SYT9: variants seen among roughly 807,000 people sequenced by gnomAD.
SYT9 encodes the protein synaptotagmin 9.
SYT9 carries 22 observed loss-of-function variants against 48.4 expected under a neutral mutation model. The observed-to-expected ratio is 0.45, with a 90% CI of 0.32 to 0.65. The LOEUF (loss-of-function observed/expected upper bound fraction) is 0.65. Ranked by LOEUF, SYT9 falls within the 30% of genes least tolerant of loss-of-function variation. SYT9 has a pLI of 0.03. For missense variants in SYT9, 577 were observed against 622.0 expected (o/e 0.93, Z 0.77); for synonymous variants, 265 against 245.0 (o/e 1.08, Z -0.76).
At position 7,351,891 on chromosome 11, in the gene SYT9, A is replaced by G. The variant is rs751700983; in HGVS notation, c.1044+37950A>G. 2.6e-5 allele frequency among the ~76,000 whole-genome samples: 4 copies of G among 152,270 alleles called. No homozygotes were observed. In the East Asian group the frequency reaches 7.7e-4, roughly 29 times the overall value. ...ACCACTCTATTTCAGAGTCTGTTGT[A>G]TGGGTGAGCTGGTGGTGATTGGCTT... On this transcript the variant is annotated intron_variant, in intron 3 of 6. Coordinates refer to ENST00000318881, the MANE Select transcript of SYT9 (RefSeq NM_175733.4).
intron 6 of SYT9, among the ~76,000 whole-genome samples, chr11:7,453,317 AG>A (rs1848092967): frequency 6.6e-6 from 1 of 152,100 alleles, no homozygotes; most frequent in Non-Finnish European, 1.5e-5. Flanking sequence ...GATACTCCAA[AG>A]TGTTTCTGTA....
intron 1 of SYT9, among the ~76,000 whole-genome samples, chr11:7,268,137 G>A (rs1054884060): frequency 4.6e-5 from 7 of 151,838 alleles, no homozygotes; most frequent in Non-Finnish European, 8.8e-5. Context: ...CTTATTTGTC[G>A]GAACCACAAA....
intron 3 of SYT9, among the ~76,000 whole-genome samples, chr11:7,399,931 C>T (rs531394018): frequency 7.9e-5 from 12 of 152,156 alleles, no homozygotes; most frequent in African/African-American, 2.2e-4. Context: ...CTTTTGCCCA[C>T]GGCAGGGAAG....
At chr11:7,335,387 T>G (rs1387207617) in intron 3 of SYT9, among the ~76,000 whole-genome samples, 1 of 152,070 alleles carries the variant, frequency 6.6e-6, no homozygotes, top group Admixed American at 6.5e-5. Context: ...GTCATAGGAG[T>G]TCGTTGTACA....
At chr11:7,312,066 G>A (rs1374098955) in intron 2 of SYT9, among the ~76,000 whole-genome samples, 1 of 152,160 alleles carries the variant, frequency 6.6e-6, no homozygotes, top group East Asian at 1.9e-4. Context: ...ATGTGACTGG[G>A]CTATGTCTGC....
chr11:7,293,917 T>G (rs1034046126), intron 1 of SYT9, among the ~76,000 whole-genome samples: 1 of 152,134 alleles, frequency 6.6e-6, no homozygotes, highest in African/African-American at 2.4e-5. Context: ...ATAAGAGAAG[T>G]AGTAATAAGT....
chr11:7,345,351 C>T (rs1849782184), intron 3 of SYT9, among the ~76,000 whole-genome samples: 1 of 152,206 alleles, frequency 6.6e-6, no homozygotes, highest in Non-Finnish European at 1.5e-5. Context: ...ACTCAAGGAT[C>T]ACATATCTTC....
chr11:7,256,028 G>T (rs1235820964), intron 1 of SYT9, among the ~76,000 whole-genome samples: 1 of 151,846 alleles, frequency 6.6e-6, no homozygotes, highest in East Asian at 1.9e-4. Context: ...TACTTTTTTT[G>T]GTCAAAAAGC....
rs1322610114 is a variant in SYT9, at chr11:7,420,548, C to T, written c.1380C>T (p.Asn460=). Residue 460 remains asparagine (N), a synonymous_variant, in exon 6 of 7, where the codon AAC becomes AAT. Coordinates refer to ENST00000318881, the MANE Select transcript of SYT9 (RefSeq NM_175733.4). ...TCATCGGCGTGTGTCAAGTAGGCAA[C>T]GAGGCTGAGAGGCTGGGCAGAGACC... ...NEIIGVCQVG[N]EAERLGRDHW... 3.7e-6 allele frequency: 6 copies of T among 1,613,954 alleles called. No homozygotes were observed. The highest frequency in any genetic ancestry group is 2.2e-5 in the South Asian group (2 of 91,076).
intron 6 of SYT9, among the ~76,000 whole-genome samples, chr11:7,429,715 G>GT (rs925403493): frequency 6.6e-6 from 1 of 152,126 alleles, no homozygotes; most frequent in African/African-American, 2.4e-5. Flanking sequence ...GCTCACTGCG[G>GT]TATGTCCAAT....
Position 7,407,360 on chromosome 11 carries a change from A to ATTTT in SYT9, c.1045-8654_1045-8651dup, listed in dbSNP as rs756378336. Among the ~76,000 whole-genome samples, 143 of 37,782 alleles carry ATTTT rather than the reference A, an allele frequency of 3.8e-3. 22 individuals carry two copies. The highest frequency in any genetic ancestry group is 4.3e-3 in the Non-Finnish European group (102 of 23,972). 24.8% of individuals were successfully genotyped at this position (37,782 alleles called of 152,430 possible). A position where few individuals can be genotyped will look rare whatever the true frequency, so the allele number is the denominator to read the frequency against. ...CTCAGGTCTTATGTTTAAGTCTATA[A>ATTTT]TTTTTTTTTTTTTTTTTTTTTTTTT... On this transcript the variant is annotated intron_variant, in intron 3 of 6. Transcript: ENST00000318881.
chr11:7,240,258 C>A (rs546842840), intron 1 of SYT9, among the ~76,000 whole-genome samples: 1 of 152,298 alleles, frequency 6.6e-6, no homozygotes, highest in Admixed American at 6.5e-5. Flanking sequence ...CCATTCCTGG[C>A]TGTCTATATT....
intron 1 of SYT9, among the ~76,000 whole-genome samples, chr11:7,244,667 C>T (rs1223801408): frequency 6.6e-6 from 1 of 152,140 alleles, no homozygotes; most frequent in Non-Finnish European, 1.5e-5. Flanking sequence ...TCATGCTAAT[C>T]AAATCTTATT....
chr11:7,349,529 T>G (rs1382225966), intron 3 of SYT9, among the ~76,000 whole-genome samples: 2 of 152,026 alleles, frequency 1.3e-5, no homozygotes, highest in African/African-American at 4.8e-5. Flanking sequence ...GCAGGGGTCA[T>G]GTTCCTACAG....
At chr11:7,354,265 G>A (rs1299469847) in intron 3 of SYT9, among the ~76,000 whole-genome samples, 2 of 152,150 alleles carry the variant, frequency 1.3e-5, no homozygotes, top group Non-Finnish European at 2.9e-5. Context: ...CTATACTCCA[G>A]CCATAGTGAT....
intron 6 of SYT9, among the ~76,000 whole-genome samples, chr11:7,431,909 C>A (rs1847581073): frequency 6.6e-6 from 1 of 152,216 alleles, no homozygotes; most frequent in African/African-American, 2.4e-5. Flanking sequence ...CAGGAAGAAG[C>A]CTGCTGCAGG....
chr11:7,322,613 C>T (rs1051524447), intron 3 of SYT9, among the ~76,000 whole-genome samples: 11 of 152,052 alleles, frequency 7.2e-5, no homozygotes, highest in Admixed American at 1.3e-4. Context: ...AGGTCTCTGA[C>T]GAAGAGACTT....
chr11:7,332,515 G>T (rs1407935825), intron 3 of SYT9, among the ~76,000 whole-genome samples: 1 of 152,220 alleles, frequency 6.6e-6, no homozygotes, highest in East Asian at 1.9e-4. Context: ...GGGAACATAG[G>T]TGGGACCCTG....
At chr11:7,415,995 C>G (rs1025515291) in intron 3 of SYT9, 47 bp from the exon 4 acceptor site, 4 of 1,612,372 alleles carry the variant, frequency 2.5e-6, no homozygotes, top group Non-Finnish European at 3.4e-6. Context: ...TCTTGCACAC[C>G]AGGCTGGAGA....
Sources: allele counts gnomAD v4.1 joint callset (sites outside exome capture counted in the v4.1 genomes callset), GRCh38; gene constraint gnomAD v4.1.1; transcripts MANE v1.5; gene names NCBI Gene and HGNC (gene_info 2026-07-23, HGNC 2026-07-21).